Variants in TAFA2 observed in about 807,000 individuals in gnomAD.
TAFA2 encodes TAFA chemokine like family member 2.
In TAFA2, 7 loss-of-function variants were observed where a neutral mutation model predicts 18.8. The observed-to-expected ratio is 0.37, with a 90% CI of 0.21 to 0.70. The LOEUF (loss-of-function observed/expected upper bound fraction) is 0.70, where lower values mean the gene tolerates loss of function less well. TAFA2 is among the 30% of genes least tolerant of loss of function. TAFA2 has a pLI of 0.53. For missense variants in TAFA2, 122 were observed against 158.1 expected, an observed-to-expected ratio of 0.77 and a Z score of 1.23; for synonymous variants, 60 against 54.2, an observed-to-expected ratio of 1.11 and a Z score of -0.47.
intron 2 of TAFA2, among the ~76,000 whole-genome samples, chr12:61,841,023 A>T (rs73308233): frequency 0.02 from 3,099 of 152,140 alleles, 89 homozygotes; most frequent in African/African-American, 0.069. Flanking sequence ...AAAGACATAG[A>T]GTCTTTACTA....
At chr12:61,732,536 G>C (rs1870498935) in intron 4 of TAFA2, among the ~76,000 whole-genome samples, 1 of 152,036 alleles carries the variant, frequency 6.6e-6, no homozygotes, top group Non-Finnish European at 1.5e-5. Flanking sequence ...CTCATGCTTG[G>C]AATTGAAACT....
chr12:62,205,524 C>A (rs1288869124), intron 1 of TAFA2, among the ~76,000 whole-genome samples: 1 of 152,212 alleles, frequency 6.6e-6, no homozygotes, highest in Non-Finnish European at 1.5e-5. Flanking sequence ...AAACCCCTGG[C>A]TGGAATTGCT....
At chr12:61,779,701 G>A (rs1313486905) in intron 2 of TAFA2, among the ~76,000 whole-genome samples, 2 of 151,772 alleles carry the variant, frequency 1.3e-5, no homozygotes, top group African/African-American at 2.4e-5. Context: ...TCCCATGTGA[G>A]AATAAAGATT....
chr12:61,864,008 G>A (rs1874235492), intron 2 of TAFA2, among the ~76,000 whole-genome samples: 1 of 152,146 alleles, frequency 6.6e-6, no homozygotes, highest in Non-Finnish European at 1.5e-5. Context: ...TTTGTGCTTA[G>A]TTTTTATCTC....
intron 1 of TAFA2, among the ~76,000 whole-genome samples, chr12:62,061,984 G>A (rs1256405149): frequency 6.6e-6 from 1 of 152,024 alleles, no homozygotes; most frequent in Non-Finnish European, 1.5e-5. Context: ...TGCCAGCCTG[G>A]CCAACATGGC....
At chr12:61,837,325 C>T (rs531064462) in intron 2 of TAFA2, among the ~76,000 whole-genome samples, 128 of 151,928 alleles carry the variant, frequency 8.4e-4, no homozygotes, top group African/African-American at 2.8e-3. Context: ...TTTCCATATG[C>T]GATTCCTTCT....
At chr12:61,756,917 C>T (rs1869300769) in intron 2 of TAFA2, among the ~76,000 whole-genome samples, 1 of 151,974 alleles carries the variant, frequency 6.6e-6, no homozygotes, top group South Asian at 2.1e-4. Flanking sequence ...GGTATATCCC[C>T]AGGGCAGCAA....
intron 2 of TAFA2, among the ~76,000 whole-genome samples, chr12:61,797,752 T>C (rs550835339): frequency 1.3e-4 from 20 of 152,254 alleles, no homozygotes; most frequent in African/African-American, 4.8e-4. Context: ...TCCATGGCCA[T>C]GGGGACAGAC....
chr12:62,130,145 G>A (rs1870623480), intron 1 of TAFA2, among the ~76,000 whole-genome samples: 1 of 151,890 alleles, frequency 6.6e-6, no homozygotes, highest in South Asian at 2.1e-4. Context: ...AGTTCCTCTG[G>A]TAAATTGCTT....
At chr12:61,765,240 A>G (rs11174165) in intron 2 of TAFA2, among the ~76,000 whole-genome samples, 152,140 of 152,148 alleles carry the variant, frequency 1, 76,066 homozygotes, top group Middle Eastern at 1. Context: ...GTTAGTGCCA[A>G]GAGTGACCTT....
chr12:62,081,314 A>T (rs560827782), intron 1 of TAFA2, among the ~76,000 whole-genome samples: 20 of 152,322 alleles, frequency 1.3e-4, no homozygotes, highest in African/African-American at 4.3e-4. Flanking sequence ...TTCGTTATTT[A>T]AAAAACTATA....
At chr12:62,118,604 C>T (rs984194009) in intron 1 of TAFA2, among the ~76,000 whole-genome samples, 2 of 152,014 alleles carry the variant, frequency 1.3e-5, no homozygotes, top group African/African-American at 4.8e-5. Context: ...ATTCAGTGGA[C>T]CTATTTCCTC....
intron 1 of TAFA2, among the ~76,000 whole-genome samples, chr12:62,066,011 A>G (rs1882476598): frequency 6.6e-6 from 1 of 152,072 alleles, no homozygotes; most frequent in South Asian, 2.1e-4. Flanking sequence ...GATTAGGAAC[A>G]GTAATTTTTT....
At chr12:61,970,318 T>G (rs1879205464) in intron 1 of TAFA2, among the ~76,000 whole-genome samples, 1 of 151,642 alleles carries the variant, frequency 6.6e-6, no homozygotes, top group Non-Finnish European at 1.5e-5. Context: ...TCTAATTTTC[T>G]TAGTAAAATT....
chr12:62,039,030 G>C (rs183138240), intron 1 of TAFA2, among the ~76,000 whole-genome samples: 1 of 152,228 alleles, frequency 6.6e-6, no homozygotes, highest in Non-Finnish European at 1.5e-5. Flanking sequence ...ATATTTTCAA[G>C]AACAGGGTAA....
chr12:62,174,459 A>G (rs557499213), intron 1 of TAFA2, among the ~76,000 whole-genome samples: 14 of 152,180 alleles, frequency 9.2e-5, no homozygotes, highest in Admixed American at 2.0e-4. Flanking sequence ...ATAAGGAGAG[A>G]ACCACAGATA....
intron 2 of TAFA2, among the ~76,000 whole-genome samples, chr12:61,802,078 G>T (rs1871420021): frequency 6.6e-6 from 1 of 152,038 alleles, no homozygotes; most frequent in African/African-American, 2.4e-5. Flanking sequence ...TGTCACCCTG[G>T]TTATAATGGG....
intron 1 of TAFA2, among the ~76,000 whole-genome samples, chr12:62,118,446 A>G (rs946297353): frequency 2.0e-5 from 3 of 152,066 alleles, no homozygotes; most frequent in African/African-American, 7.2e-5. Context: ...ATCTTTACAC[A>G]TATTTTTGTT....
chr12:62,215,022 A>G (rs1450421897), intron 1 of TAFA2, among the ~76,000 whole-genome samples: 1 of 152,170 alleles, frequency 6.6e-6, no homozygotes, highest in Non-Finnish European at 1.5e-5. Flanking sequence ...CTCCTGACTC[A>G]AAGGGGCCAG....
Sources: allele counts gnomAD v4.1 joint callset (sites outside exome capture counted in the v4.1 genomes callset), GRCh38; gene constraint gnomAD v4.1.1; transcripts MANE v1.5; gene names NCBI Gene and HGNC (gene_info 2026-07-23, HGNC 2026-07-21).